The following IGF2BP3 variants were observed in gnomAD, a reference collection of about 807,000 sequenced individuals.
IGF2BP3 encodes the protein insulin like growth factor 2 mRNA binding protein 3, also known as insulin-like growth factor 2 mRNA-binding protein 3.
In IGF2BP3, 9 loss-of-function variants were observed where a neutral mutation model predicts 73.8. The observed-to-expected ratio is 0.12, with a 90% CI of 0.07 to 0.21. The LOEUF is 0.21. Ranked by LOEUF, IGF2BP3 falls within the 10% of genes least tolerant of loss-of-function variation. The pLI, the probability that IGF2BP3 is intolerant of heterozygous loss-of-function variation, is 1.00. For missense variants in IGF2BP3, 542 were observed against 714.0 expected (o/e 0.76, Z 2.75); for synonymous variants, 258 against 256.7 (o/e 1.01, Z -0.05).
intron 3 of IGF2BP3, among the ~76,000 whole-genome samples, chr7:23,409,275 G>A (rs1163606717): frequency 6.6e-6 from 1 of 152,180 alleles, no homozygotes; most frequent in African/African-American, 2.4e-5. Context: ...AGCATACTAA[G>A]TGAAATAAGC....
intron 3 of IGF2BP3, among the ~76,000 whole-genome samples, chr7:23,380,202 T>G (rs140295929): frequency 7.4e-6 from 1 of 134,320 alleles, no homozygotes; most frequent in South Asian, 2.4e-4. Flanking sequence ...CTCGCTCTGT[T>G]GCCCAGGCTG....
intron 6 of IGF2BP3, among the ~76,000 whole-genome samples, chr7:23,349,557 A>G (rs1291272989): frequency 6.6e-6 from 1 of 152,150 alleles, no homozygotes; most frequent in African/African-American, 2.4e-5. Context: ...CACTGTGCTA[A>G]GGATTACTAA....
intron 3 of IGF2BP3, among the ~76,000 whole-genome samples, chr7:23,400,447 C>G (rs552986397): frequency 1.3e-5 from 2 of 152,262 alleles, no homozygotes; most frequent in South Asian, 4.1e-4. Flanking sequence ...AGAGGTTCTT[C>G]ATATCTCTGT....
rs967435617 is a variant in IGF2BP3 at position 23,452,224 on chromosome 7, T to G, written c.236+16258A>C. Among the ~76,000 whole-genome samples the G allele has an allele frequency of 6.6e-5, 10 of 151,934 alleles. No homozygotes were observed. The South Asian group carries it at 8.3e-4, about 13-fold the overall frequency. ...TTTCACCGTGTTAGCCAGGATGGTCTCAATCTCCTAACCTCGTGATCCGCC... is the reference window on the plus strand; with the variant it reads ...TTTCACCGTGTTAGCCAGGATGGTCGCAATCTCCTAACCTCGTGATCCGCC... On this transcript the variant is annotated intron_variant, in intron 2 of 14. Coordinates refer to ENST00000258729, the MANE Select transcript of IGF2BP3 (RefSeq NM_006547.3).
intron 2 of IGF2BP3, among the ~76,000 whole-genome samples, chr7:23,429,226 G>A (rs2128541016): frequency 6.6e-6 from 1 of 152,260 alleles, no homozygotes; most frequent in South Asian, 2.1e-4. Context: ...GATTTTGGAT[G>A]ACTGGAATTT....
chr7:23,439,021 T>A (rs1013105730), intron 2 of IGF2BP3, among the ~76,000 whole-genome samples: 1 of 151,474 alleles, frequency 6.6e-6, no homozygotes, highest in African/African-American at 2.4e-5. Context: ...TGAAGTAGAA[T>A]CACTTCAGTC....
chr7:23,458,193 C>T (rs1788365153), intron 2 of IGF2BP3, among the ~76,000 whole-genome samples: 1 of 152,154 alleles, frequency 6.6e-6, no homozygotes, highest in Admixed American at 6.5e-5. Flanking sequence ...AATTCCTCAT[C>T]CTCAAGCTAC....
intron 3 of IGF2BP3, among the ~76,000 whole-genome samples, chr7:23,400,223 G>C (rs1786615222): frequency 6.6e-6 from 1 of 152,158 alleles, no homozygotes; most frequent in African/African-American, 2.4e-5. Context: ...TCACAAATAG[G>C]CAAATGCATC....
chr7:23,317,317 A>T (rs1784018763), intron 12 of IGF2BP3, among the ~76,000 whole-genome samples: 1 of 152,212 alleles, frequency 6.6e-6, no homozygotes, highest in East Asian at 1.9e-4. Flanking sequence ...AGGAGGGAAA[A>T]CATCTGAAAA....
chr7:23,421,104 G>A (rs1787331856), intron 2 of IGF2BP3, among the ~76,000 whole-genome samples: 1 of 152,100 alleles, frequency 6.6e-6, no homozygotes, highest in Non-Finnish European at 1.5e-5. Flanking sequence ...CTGCCTCCCG[G>A]GTTCAGGCAA....
At chr7:23,328,797 A>C (rs1421912056) in intron 10 of IGF2BP3, among the ~76,000 whole-genome samples, 1 of 152,254 alleles carries the variant, frequency 6.6e-6, no homozygotes, top group East Asian at 1.9e-4. Context: ...CAGCTTCAGT[A>C]CTTCGTTCTT....
At chr7:23,464,098 T>G (rs1441120032) in intron 2 of IGF2BP3, among the ~76,000 whole-genome samples, 1 of 152,234 alleles carries the variant, frequency 6.6e-6, no homozygotes, top group Non-Finnish European at 1.5e-5. Context: ...CAGCTTTTGC[T>G]GTCCTAAGAC....
intron 10 of IGF2BP3, among the ~76,000 whole-genome samples, chr7:23,330,660 T>C (rs1361299627): frequency 6.6e-6 from 1 of 152,200 alleles, no homozygotes; most frequent in Non-Finnish European, 1.5e-5. Flanking sequence ...GCCGGGCTGG[T>C]CTTGAACTCC....
At chr7:23,448,576 A>G (rs575993377) in intron 2 of IGF2BP3, among the ~76,000 whole-genome samples, 1 of 151,570 alleles carries the variant, frequency 6.6e-6, no homozygotes, top group South Asian at 2.1e-4. Context: ...CTAATTTTTT[A>G]TTTTTTGTAG....
chr7:23,323,937 T>G (rs943639150), intron 10 of IGF2BP3, among the ~76,000 whole-genome samples: 11 of 151,382 alleles, frequency 7.3e-5, no homozygotes, highest in African/African-American at 2.7e-4. Context: ...AGAGGGAAAT[T>G]TATAGCACTA....
At chr7:23,394,749 G>A (rs1786394899) in intron 3 of IGF2BP3, 1 of 152,170 alleles carries the variant, frequency 6.6e-6, no homozygotes. Flanking sequence ...TAAACAGCAC[G>A]TCAGAATAGA....
chr7:23,330,510 G>A (rs540330623), intron 10 of IGF2BP3, among the ~76,000 whole-genome samples: 264 of 152,024 alleles, frequency 1.7e-3, no homozygotes, highest in Middle Eastern at 3.4e-3. Context: ...TTTCTTTTGC[G>A]TAGTTGGCAA....
intron 12 of IGF2BP3, among the ~76,000 whole-genome samples, chr7:23,315,357 C>G (rs1212421913): frequency 6.6e-6 from 1 of 152,168 alleles, no homozygotes; most frequent in African/African-American, 2.4e-5. Context: ...ATCTACCCAC[C>G]TAGGCCTCTC....
intron 2 of IGF2BP3, among the ~76,000 whole-genome samples, chr7:23,435,318 A>G (rs1787783088): frequency 1.3e-5 from 2 of 150,296 alleles, no homozygotes; most frequent in South Asian, 4.2e-4. Flanking sequence ...AAAAAAAAAA[A>G]AAATCCTGAA....
Sources: allele counts gnomAD v4.1 joint callset (sites outside exome capture counted in the v4.1 genomes callset), GRCh38; gene constraint gnomAD v4.1.1; transcripts MANE v1.5; gene names NCBI Gene and HGNC (gene_info 2026-07-23, HGNC 2026-07-21).